The following ALX4 variants were observed in gnomAD, a reference collection of about 807,000 sequenced individuals.
The protein encoded by ALX4 is ALX homeobox 4.
In ALX4, 22 loss-of-function variants were observed where a neutral mutation model predicts 40.6. The observed-to-expected ratio is 0.54, with a 90% CI of 0.39 to 0.77. The LOEUF is 0.77. Ranked by LOEUF, ALX4 falls within the 30% of genes least tolerant of loss-of-function variation. The probability of loss-of-function intolerance (pLI) is 0.00; values close to 1 mark genes in which losing one functional copy is unlikely to be tolerated. For missense variants in ALX4, 556 were observed against 564.8 expected, an observed-to-expected ratio of 0.98 and a Z score of 0.16; for synonymous variants, 266 against 240.5, an observed-to-expected ratio of 1.11 and a Z score of -0.98.
chr11:44,275,919 G>GAACCT (rs879521368), intron 1 of ALX4, among the ~76,000 whole-genome samples: 1 of 152,146 alleles, frequency 6.6e-6, no homozygotes, highest in Non-Finnish European at 1.5e-5. Flanking sequence ...AATGTTATGT[G>GAACCT]AACCTAAGGC....
intron 1 of ALX4, among the ~76,000 whole-genome samples, chr11:44,283,534 T>C (rs907909615): frequency 1.4e-4 from 22 of 152,242 alleles, no homozygotes; most frequent in African/African-American, 5.1e-4. Flanking sequence ...TTTCCATAAA[T>C]GGAAGATCCT....
chr11:44,277,739 A>T (rs1355701145), intron 1 of ALX4, among the ~76,000 whole-genome samples: 1 of 152,192 alleles, frequency 6.6e-6, no homozygotes, highest in East Asian at 1.9e-4. Flanking sequence ...TCCCTCTCCA[A>T]GGCATCAAGG....
At chr11:44,274,797 TA>T (rs1411223254) in intron 2 of ALX4, among the ~76,000 whole-genome samples, 20 of 152,174 alleles carry the variant, frequency 1.3e-4, no homozygotes, top group African/African-American at 4.3e-4. Context: ...TGGCTGGTAA[TA>T]GGGGGGCTAC....
intron 2 of ALX4, among the ~76,000 whole-genome samples, chr11:44,268,253 G>A (rs552484911): frequency 6.6e-6 from 1 of 152,266 alleles, no homozygotes; most frequent in South Asian, 2.1e-4. Flanking sequence ...ATGGTTGGCT[G>A]AAAGGAGGAA....
At chr11:44,274,030 T>C (rs1324614217) in intron 2 of ALX4, among the ~76,000 whole-genome samples, 2 of 152,078 alleles carry the variant, frequency 1.3e-5, no homozygotes, top group Non-Finnish European at 2.9e-5. Context: ...ATTCTAGCAC[T>C]TTGGGAGGTT....
At chr11:44,297,737 A>C (rs982167843) in intron 1 of ALX4, among the ~76,000 whole-genome samples, 1 of 151,918 alleles carries the variant, frequency 6.6e-6, no homozygotes, top group African/African-American at 2.4e-5. Flanking sequence ...AAATAAAATA[A>C]AATAAAATAA....
chr11:44,298,622 C>T (rs10838255), intron 1 of ALX4, among the ~76,000 whole-genome samples: 68,008 of 151,838 alleles, frequency 0.45, 16,079 homozygotes, highest in South Asian at 0.77. Context: ...GAGCCGACCC[C>T]GGGGGCTGTG....
chr11:44,289,649 T>C (rs1350627835), intron 1 of ALX4, among the ~76,000 whole-genome samples: 1 of 152,158 alleles, frequency 6.6e-6, no homozygotes, highest in Non-Finnish European at 1.5e-5. Context: ...ACTGGGGTCA[T>C]TTCTATCTCA....
At position 44,264,638 on chromosome 11, in the gene ALX4, C is replaced by G; in HGVS notation, c.*216G>C. 1 of 606,828 alleles carries G rather than the reference C, an allele frequency of 1.6e-6. No individual in the cohort carries two copies. Among genetic ancestry groups the G allele is most frequent in the Non-Finnish European group, 2.9e-6 (1 of 345,220 alleles). 37.6% of individuals were successfully genotyped at this position (606,828 alleles called of 1,614,324 possible). A position where few individuals can be genotyped will look rare whatever the true frequency, so the allele number is the denominator to read the frequency against. ...ACTGCCTGTGGCCGGGAGCAGGGGT[C>G]AGGGCCTCAGTGCCAGGGAGGGGCC... On this transcript the variant is annotated 3_prime_UTR_variant, in exon 4 of 4. Transcript: ENST00000652299.
rs201245023 is a variant in ALX4, at chr11:44,265,004, C to A, written c.1086G>T (p.Thr362=). The stretch of plus-strand genomic sequence containing the variant: ...CTGCTCCAAACAGGCTGCCCATGTG[C>A]GTCTGGCCCACGTGACTGCCAGCCC... ...VSGAGSHVGQ[T]HMGSLFGAAS... is the part of the protein sequence containing the mutation. The change falls in exon 4 of 4, where the codon ACG becomes ACT. Residue 362 remains threonine, a synonymous_variant. Transcript: ENST00000652299. 1.1e-5 allele frequency: 18 copies of A among 1,612,960 alleles called. No individual in the cohort carries two copies. The Admixed American group carries it at 3.0e-4, about 27-fold the overall frequency.
chr11:44,294,343 C>T (rs183755683), intron 1 of ALX4, among the ~76,000 whole-genome samples: 184 of 152,308 alleles, frequency 1.2e-3, no homozygotes, highest in African/African-American at 3.8e-3. Flanking sequence ...TCCCTGAGCC[C>T]GATTCTCTGT....
At chr11:44,305,130 G>T (rs1433522364) in intron 1 of ALX4, among the ~76,000 whole-genome samples, 1 of 152,212 alleles carries the variant, frequency 6.6e-6, no homozygotes, top group Non-Finnish European at 1.5e-5. Flanking sequence ...CATGTAAATG[G>T]TCTGTTTCTT....
chr11:44,267,386 G>A, intron 3 of ALX4, 108 bp downstream of exon 3: 1 of 1,463,268 alleles, frequency 6.8e-7, no homozygotes. Flanking sequence ...CGGAAGGGCA[G>A]CCTGGAGCCA....
intron 1 of ALX4, among the ~76,000 whole-genome samples, chr11:44,278,449 G>A (rs1197823579): frequency 6.6e-6 from 1 of 152,232 alleles, no homozygotes; most frequent in Non-Finnish European, 1.5e-5. Flanking sequence ...TGTCCATCTT[G>A]TGGGGGGCAG....
intron 1 of ALX4, among the ~76,000 whole-genome samples, chr11:44,292,377 A>AAT (rs1565007139): frequency 5.5e-4 from 51 of 92,876 alleles, no homozygotes; most frequent in Admixed American, 1.2e-3. Flanking sequence ...GGCTAATTAA[A>AAT]TTTTTTTTTT....
rs780170352 is a variant in ALX4, at chr11:44,308,014, T to C, written c.466+1583A>G. Among the ~76,000 whole-genome samples, 15 of 152,146 alleles carry C rather than the reference T, an allele frequency of 9.9e-5. No individual in the cohort carries two copies. In the South Asian group the frequency reaches 1.0e-3, roughly 11 times the overall value. ...GAGCCTTGGGGGTCTGTGATCTGAA[T>C]GCCTGATCTCATTCCAACTGGAGGT... On this transcript the variant is annotated intron_variant, in intron 1 of 3. Transcript: ENST00000652299.
chr11:44,277,509 C>T (rs1956284677), intron 1 of ALX4, among the ~76,000 whole-genome samples: 3 of 152,200 alleles, frequency 2.0e-5, no homozygotes, highest in Admixed American at 1.3e-4. Flanking sequence ...TCACAACAAG[C>T]ACGTGTGGTA....
rs73539802 is a variant in ALX4 at position 44,276,834 on chromosome 11, C to T, written c.467-1176G>A. Among the ~76,000 whole-genome samples the T allele has an allele frequency of 7.5e-3, 1,149 of 152,252 alleles. 20 individuals are homozygous for T. Among genetic ancestry groups the T allele is most frequent in the African/African-American group, 0.026 (1,092 of 41,542 alleles). On this transcript the variant is annotated intron_variant, in intron 1 of 3. Coordinates refer to ENST00000652299, the MANE Select transcript of ALX4 (RefSeq NM_021926.4). ...GCATGGTTCACAGTAGGATTCACGC[C>T]TCTGTGAGAATCTAATGGCACCGCT...
At chr11:44,293,484 G>A (rs1043615086) in intron 1 of ALX4, among the ~76,000 whole-genome samples, 1 of 152,174 alleles carries the variant, frequency 6.6e-6, no homozygotes, top group Non-Finnish European at 1.5e-5. Flanking sequence ...AATCCACAGC[G>A]AACGTGAGAC....
Sources: allele counts gnomAD v4.1 joint callset (sites outside exome capture counted in the v4.1 genomes callset), GRCh38; gene constraint gnomAD v4.1.1; transcripts MANE v1.5; gene names NCBI Gene and HGNC (gene_info 2026-07-23, HGNC 2026-07-21).